The following TTN variants were observed in gnomAD, a reference collection of about 807,000 sequenced individuals.
TTN encodes the protein connectin.
TTN carries 1,525 observed loss-of-function variants against 3,223.0 expected under a neutral mutation model. That is an observed-to-expected ratio of 0.47 (90% confidence interval 0.45 to 0.49). TTN has a LOEUF of 0.49. Ranked by LOEUF, TTN falls within the 20% of genes least tolerant of loss-of-function variation. The pLI is 0.00. For missense variants in TTN, 40,786 were observed against 43,424.0 expected (o/e 0.94, Z 5.40); for synonymous variants, 14,094 against 15,161.0 (o/e 0.93, Z 5.17).
In TTN at chr2:178,589,967, A is replaced by G. The variant is rs879237820; in HGVS notation, c.61758T>C (p.Cys20586=). 5 of 1,613,104 alleles carry G rather than the reference A, an allele frequency of 3.1e-6. No homozygotes were observed. The African/African-American group carries it at 5.3e-5, about 17-fold the overall frequency. ...CTAGTGGGTTTTCCCAAGAAATTGT[A>G]CAGTTCTCTTTGGTTACATTGGTAA... is the stretch of plus-strand genomic sequence containing the variant. ...LKVTNVTKEN[C]TISWENPLDN... is the part of the protein sequence containing the mutation. The change falls in exon 304 of 363, where the codon TGT becomes TGC. Residue 20586 remains cysteine (C), a synonymous_variant. Coordinates refer to ENST00000589042, the MANE Select transcript of TTN (RefSeq NM_001267550.2).
intron 112 of TTN, among the ~76,000 whole-genome samples, chr2:178,697,840 C>G (rs2073995876): frequency 6.6e-6 from 1 of 152,110 alleles, no homozygotes; most frequent in South Asian, 2.1e-4. Flanking sequence ...TCACCTAAAT[C>G]AGGAAAGATA....
chr2:178,527,846 A>C (rs1687121240), intron 361 of TTN, 98 bp from the exon 362 acceptor site: 1 of 1,164,758 alleles, frequency 8.6e-7, no homozygotes, highest in Non-Finnish European at 1.2e-6. Context: ...CAACACACAC[A>C]CAGCAGCATA....
rs997288701 is a variant in TTN at position 178,774,281 on chromosome 2, A to G, written c.6983T>C (p.Val2328Ala). Residue 2328 changes from valine (V) to alanine (A), a missense_variant, in exon 30 of 363, where the codon GTA (valine) becomes GCA (alanine). Transcript: ENST00000589042. ...RGRQNLTVKDVTKEDQGEYSF... is the reference protein window; with the variant it reads ...RGRQNLTVKDATKEDQGEYSF... The stretch of plus-strand genomic sequence containing the variant: ...GTATTCTCCCTGGTCCTCCTTGGTT[A>G]CATCCTTGACCGTGAGGTTCTGACG... 1 of 1,613,956 alleles carries G rather than the reference A, an allele frequency of 6.2e-7. No homozygotes were observed. The highest frequency in any genetic ancestry group is 8.5e-7 in the Non-Finnish European group (1 of 1,179,982).
In TTN at chr2:178,574,446, C is replaced by CTA. The variant is rs1709360511; in HGVS notation, c.71685_71686insTA (p.Ala23896Ter). 6.2e-7 allele frequency: 1 copy of CTA among 1,613,470 alleles called. No individual in the cohort carries two copies. The highest frequency in any genetic ancestry group is 1.3e-5 in the African/African-American group (1 of 74,898). On this transcript the variant is annotated frameshift_variant, in exon 326 of 363. Coordinates refer to ENST00000589042, the MANE Select transcript of TTN (RefSeq NM_001267550.2). LOFTEE classifies it high-confidence loss of function. Reference sequence around the variant, plus strand: ...TCTGCAATCACCCGGAACTCATAAGCAATACCATCTGTAAGTCCACTTGAT... The same window carrying CTA: ...TCTGCAATCACCCGGAACTCATAAGCTAAATACCATCTGTAAGTCCACTTGAT...
chr2:178,650,955 T>C, intron 208 of TTN, 121 bp from the exon 209 acceptor site: 1 of 1,068,360 alleles, frequency 9.4e-7, no homozygotes, highest in South Asian at 1.4e-5. Flanking sequence ...AATTTCACAA[T>C]AAGGTCAGTG....
chr2:178,642,877 T>C (rs1303349820), intron 218 of TTN, among the ~76,000 whole-genome samples: 1 of 152,006 alleles, frequency 6.6e-6, no homozygotes, highest in African/African-American at 2.4e-5. Context: ...GGATAAAATA[T>C]TTAAAATTAT....
rs374305386 is a variant in TTN, at chr2:178,565,831, A to G, written c.80301T>C (p.Val26767=). 2 of 1,613,536 alleles carry G rather than the reference A, an allele frequency of 1.2e-6. No individual in the cohort carries two copies. The highest frequency in any genetic ancestry group is 2.7e-5 in the African/African-American group (2 of 74,910). The change falls in exon 326 of 363, where the codon GTT becomes GTC. Residue 26767 remains valine (V), a synonymous_variant. Coordinates refer to ENST00000589042, the MANE Select transcript of TTN (RefSeq NM_001267550.2). The part of the protein sequence containing the change: ...VMAENEFGVG[V]PVETVDAVKA... ...TCACGGCATCAACAGTTTCCACTGG[A>G]ACACCAACTCCAAATTCATTTTCAG... is the stretch of plus-strand genomic sequence containing the variant.
intron 47 of TTN, chr2:178,751,703 T>C (rs1167343911): frequency 6.2e-7 from 1 of 1,613,348 alleles, no homozygotes; most frequent in South Asian, 1.1e-5. Context: ...CCTTTTAATC[T>C]CTAAGCTGGA....
chr2:178,766,519 G>C lies in TTN; in HGVS notation c.9565C>G (p.Gln3189Glu), dbSNP rs768694953. The change falls in exon 41 of 363, where the codon CAA becomes GAA. Residue 3189 changes from glutamine (Q) to glutamate (E), a missense_variant. Transcript: ENST00000589042. ...WYKDGIEINF[Q>E]VQERHKYVVE... ...ACATATTTGTGTCGTTCTTGAACTT[G>C]GAAATTGATTTCAATGCCATCTTTA... 4.3e-6 allele frequency: 7 copies of C among 1,614,010 alleles called. No individual in the cohort carries two copies. The highest frequency in any genetic ancestry group is 5.1e-6 in the Non-Finnish European group (6 of 1,179,974).
Position 178,558,351 on chromosome 2 carries a change from C to T in TTN, c.87108G>A (p.Lys29036=), listed in dbSNP as rs1376529658. 2 of 1,611,706 alleles carry T rather than the reference C, an allele frequency of 1.2e-6. No homozygotes were observed. Among genetic ancestry groups the T allele is most frequent in the Non-Finnish European group, 1.7e-6 (2 of 1,179,276 alleles). ...CAAAATTAGACATACCTAGTTGCTC[C>T]TTAATAAGAACAGGAAGCAGAAGCT... The part of the protein sequence containing the change: ...PRELLLPVLI[K]EQLEPPEIDM... Residue 29036 remains lysine, a synonymous_variant, in exon 327 of 363, where the codon AAG becomes AAA. Transcript: ENST00000589042.
chr2:178,588,082 C>A lies in TTN; in HGVS notation c.63325G>T (p.Asp21109Tyr). Reference sequence around the variant, plus strand: ...TTCCAGCCTTCATCAGGAGACGCATCTGCTATTTTTGGTCTCATTTCCACA... The same window carrying A: ...TTCCAGCCTTCATCAGGAGACGCATATGCTATTTTTGGTCTCATTTCCACA... ...YVVEMRPKIA[D>Y]ASPDEGWKRC... is the part of the protein sequence containing the mutation. The change falls in exon 305 of 363, where the codon GAT becomes TAT. Residue 21109 changes from aspartate (D) to tyrosine (Y), a missense_variant. Physicochemically the swap from Asp to Tyr is radical, Grantham distance 160. Transcript: ENST00000589042. 6.2e-7 allele frequency: 1 copy of A among 1,612,970 alleles called. No homozygotes were observed. Among genetic ancestry groups the A allele is most frequent in the Non-Finnish European group, 8.5e-7 (1 of 1,179,352 alleles).
chr2:178,770,097 G>C lies in TTN; in HGVS notation c.8604C>G (p.Val2868=), dbSNP rs753733308. The C allele has an allele frequency of 3.1e-6, 5 of 1,614,056 alleles. No homozygotes were observed. In the South Asian group the frequency reaches 5.5e-5, roughly 18 times the overall value. The change falls in exon 36 of 363, where the codon GTC becomes GTG. Residue 2868 remains valine (V), a synonymous_variant. Transcript: ENST00000589042. The stretch of plus-strand genomic sequence containing the variant: ...GTTTTGCTTTGCATTCCAATTGCCC[G>C]ACCACAGCTGTGTATTCCCCAGCAT... ...PSDAGEYTAV[V]GQLECKAKLF...
rs1271514661 is a variant in TTN at position 178,719,696 on chromosome 2, G to C, written c.23796C>G (p.Asp7932Glu). 6.2e-7 allele frequency: 1 copy of C among 1,613,594 alleles called. No individual in the cohort carries two copies. The highest frequency in any genetic ancestry group is 8.5e-7 in the Non-Finnish European group (1 of 1,179,736). The change falls in exon 82 of 363, where the codon GAC (aspartate) becomes GAG (glutamate). Residue 7932 changes from aspartate to glutamate, a missense_variant. Transcript: ENST00000589042. ...WFKDGRELSA[D>E]SKHHITFINK... ...TGATGAATGTAATGTGATGTTTGCT[G>C]TCTGCAGACAATTCTCTTCCATCTT...
chr2:178,605,629 T>C lies in TTN; in HGVS notation c.53666A>G (p.Asn17889Ser), dbSNP rs1457628589. Reference sequence around the variant, plus strand: ...ATATCCTTGGATGGGACTGCCACCATTACTGCGGGGCTCTTTCCAGTCAAG... The same window carrying C: ...ATATCCTTGGATGGGACTGCCACCACTACTGCGGGGCTCTTTCCAGTCAAG... Reference protein sequence around the residue: ...ITLDWKEPRSNGGSPIQGYII... With the variant: ...ITLDWKEPRSSGGSPIQGYII... The change falls in exon 279 of 363, where the codon AAT becomes AGT. Residue 17889 changes from asparagine (N) to serine (S), a missense_variant. Physicochemically the swap from Asn to Ser is conservative, Grantham distance 46. Coordinates refer to ENST00000589042, the MANE Select transcript of TTN (RefSeq NM_001267550.2). 6.3e-7 allele frequency: 1 copy of C among 1,592,956 alleles called. No homozygotes were observed. The highest frequency in any genetic ancestry group is 2.3e-5 in the East Asian group (1 of 43,210).
intron 350 of TTN, among the ~76,000 whole-genome samples, chr2:178,540,622 C>T (rs893033997): frequency 2.6e-5 from 4 of 151,982 alleles, no homozygotes; most frequent in Non-Finnish European, 4.4e-5. Context: ...ATGGTGAAAC[C>T]GCGTCTCTAC....
At chr2:178,712,255 A>T (rs1273387858) in intron 95 of TTN, 33 bp from the exon 96 acceptor site, 2 of 1,609,974 alleles carry the variant, frequency 1.2e-6, no homozygotes, top group Non-Finnish European at 8.5e-7. Context: ...ATCAGTCATG[A>T]AGGAGACATG....
At chr2:178,676,788 C>T (rs2068162107) in intron 147 of TTN, among the ~76,000 whole-genome samples, 1 of 151,760 alleles carries the variant, frequency 6.6e-6, no homozygotes, top group African/African-American at 2.4e-5. Flanking sequence ...TAAATACATT[C>T]ATCTTTTTTT....
At position 178,574,169 on chromosome 2, in the gene TTN, C is replaced by T. The variant is rs1320505610; in HGVS notation, c.71963G>A (p.Gly23988Asp). 6.2e-7 allele frequency: 1 copy of T among 1,613,424 alleles called. No individual in the cohort carries two copies. Among genetic ancestry groups the T allele is most frequent in the African/African-American group, 1.3e-5 (1 of 74,888 alleles). ...NILENEFTVS[G>D]LTEDAAYEFR... ...TTCATATGCAGCATCTTCTGTTAGG[C>T]CACTGACTGTAAATTCATTCTCCAA... The change falls in exon 326 of 363, where the codon GGC becomes GAC. Residue 23988 changes from glycine to aspartate, a missense_variant. Physicochemically the swap from Gly to Asp is moderately conservative, Grantham distance 94. Coordinates refer to ENST00000589042, the MANE Select transcript of TTN (RefSeq NM_001267550.2).
In TTN at chr2:178,631,274, G is replaced by A. The variant is rs1480406198; in HGVS notation, c.43774C>T (p.Leu14592Phe). 5.0e-6 allele frequency: 8 copies of A among 1,610,210 alleles called. No homozygotes were observed. In the South Asian group the frequency reaches 5.5e-5, roughly 11 times the overall value. The stretch of plus-strand genomic sequence containing the variant: ...TTCTCTACACCAGTATAATCTTGAA[G>A]TTTTCCTGTAAAATATGGGTCTCCC... ...LEGDPYFTGK[L>F]QDYTGVEKDE... Residue 14592 changes from leucine to phenylalanine, a missense_variant, in exon 237 of 363, where the codon CTT (leucine) becomes TTT (phenylalanine). Transcript: ENST00000589042.
Sources: allele counts gnomAD v4.1 joint callset (sites outside exome capture counted in the v4.1 genomes callset), GRCh38; gene constraint gnomAD v4.1.1; transcripts MANE v1.5; gene names NCBI Gene and HGNC (gene_info 2026-07-23, HGNC 2026-07-21).